The following SCN3A variants were observed in gnomAD, a reference collection of about 807,000 sequenced individuals.
The protein encoded by SCN3A is sodium channel protein type 3 subunit alpha.
SCN3A carries 60 observed loss-of-function variants against 187.6 expected under a neutral mutation model. That is an observed-to-expected ratio of 0.32 (90% CI 0.26 to 0.40). The LOEUF is 0.40. SCN3A is among the 10% of genes least tolerant of loss of function. SCN3A has a pLI of 1.00. For synonymous variants in SCN3A, 788 were observed against 829.2 expected, an observed-to-expected ratio of 0.95 and a Z score of 0.85; for missense variants, 1,601 against 2,428.2, an observed-to-expected ratio of 0.66 and a Z score of 7.16.
rs569125658 is a variant in SCN3A, at chr2:165,199,316, C to T, written c.-248+4507G>A. 1.1e-3 allele frequency among the ~76,000 whole-genome samples: 170 copies of T among 151,892 alleles called. 1 individual carries two copies. Among genetic ancestry groups the T allele is most frequent in the Non-Finnish European group, 2.0e-3 (134 of 67,880 alleles). ...ATGAAGGGCTCCCTATATGCAGTCT[C>T]CAAAAAAATGAAAACCTAATTCAAT... On this transcript the variant is annotated intron_variant, in intron 1 of 27. Transcript: ENST00000283254.
intron 9 of SCN3A, among the ~76,000 whole-genome samples, chr2:165,161,808 C>A (rs1245235043): frequency 6.6e-6 from 1 of 152,200 alleles, no homozygotes; most frequent in Non-Finnish European, 1.5e-5. Flanking sequence ...GGCACACATG[C>A]ACCCTTGGCT....
intron 17 of SCN3A, 114 bp downstream of exon 17, chr2:165,129,826 A>T (rs1400843372): frequency 3.8e-6 from 5 of 1,318,556 alleles, no homozygotes; most frequent in Non-Finnish European, 4.4e-6. Flanking sequence ...TAATAGGGGG[A>T]TTTCAGTCTA....
intron 2 of SCN3A, among the ~76,000 whole-genome samples, chr2:165,183,279 C>A (rs931089227): frequency 8.5e-5 from 13 of 152,186 alleles, no homozygotes; most frequent in Admixed American, 3.3e-4. Context: ...TAAGTAATCT[C>A]CTCTAAAATG....
chr2:165,200,881 A>G (rs1692275127), intron 1 of SCN3A, among the ~76,000 whole-genome samples: 2 of 152,090 alleles, frequency 1.3e-5, no homozygotes. Flanking sequence ...TCCATCAACC[A>G]TTCATCAAGC....
intron 9 of SCN3A, among the ~76,000 whole-genome samples, 162 bp from the exon 10 acceptor site, chr2:165,156,065 CA>C (rs1159253222): frequency 3.3e-5 from 5 of 152,048 alleles, no homozygotes; most frequent in Non-Finnish European, 7.4e-5. Context: ...TGAAACTTAT[CA>C]GATGAAATTC....
chr2:165,119,928 T>A (rs1294269613), intron 18 of SCN3A, among the ~76,000 whole-genome samples: 1 of 152,192 alleles, frequency 6.6e-6, no homozygotes, highest in East Asian at 1.9e-4. Context: ...AAAGCTTCCA[T>A]ATAAAACCAC....
At chr2:165,103,865 T>C (rs1361135066) in intron 21 of SCN3A, among the ~76,000 whole-genome samples, 1 of 152,180 alleles carries the variant, frequency 6.6e-6, no homozygotes, top group Non-Finnish European at 1.5e-5. Flanking sequence ...CTTGTATAAT[T>C]TTTGATGATG....
chr2:165,150,506 T>C (rs115535532), intron 11 of SCN3A, among the ~76,000 whole-genome samples: 187 of 152,340 alleles, frequency 1.2e-3, no homozygotes, highest in African/African-American at 4.3e-3. Context: ...ATCAGTATTA[T>C]ACTTTACCTT....
intron 24 of SCN3A, among the ~76,000 whole-genome samples, 189 bp downstream of exon 24, chr2:165,096,278 T>C (rs1685360354): frequency 6.6e-6 from 1 of 152,164 alleles, no homozygotes; most frequent in South Asian, 2.1e-4. Flanking sequence ...TATCGTTTCA[T>C]ATTAGCTACA....
intron 11 of SCN3A, 71 bp from the exon 12 acceptor site, chr2:165,147,100 T>C: frequency 6.4e-7 from 1 of 1,574,098 alleles, no homozygotes; most frequent in Non-Finnish European, 8.7e-7. Context: ...GGTTAAAATA[T>C]TGCCATTTAA....
intron 27 of SCN3A, chr2:165,091,950 T>C (rs1685128289): frequency 2.3e-6 from 1 of 434,810 alleles, no homozygotes. Context: ...CAATGATTTG[T>C]TTTTTAAGCC....
intron 17 of SCN3A, 35 bp from the exon 18 acceptor site, chr2:165,128,136 T>C (rs535512928): frequency 9.4e-6 from 14 of 1,491,540 alleles, no homozygotes; most frequent in Admixed American, 5.7e-5. Context: ...TATTTTAATA[T>C]TGAAATATGC....
intron 15 of SCN3A, among the ~76,000 whole-genome samples, chr2:165,134,566 C>T (rs1412859124): frequency 6.6e-6 from 1 of 152,052 alleles, no homozygotes; most frequent in African/African-American, 2.4e-5. Flanking sequence ...TCCATTCACT[C>T]AAATAGAAAT....
intron 10 of SCN3A, 105 bp downstream of exon 10, chr2:165,155,657 C>T: frequency 7.5e-7 from 1 of 1,335,474 alleles, no homozygotes; most frequent in South Asian, 1.2e-5. Flanking sequence ...CCTCTGCCTC[C>T]CAAAGTGCTA....
At chr2:165,117,014 C>A (rs1412781778) in intron 18 of SCN3A, among the ~76,000 whole-genome samples, 2 of 138,368 alleles carry the variant, frequency 1.4e-5, no homozygotes, top group East Asian at 4.5e-4. Context: ...GCCAAGACAT[C>A]TTCTCCTCTC....
intron 27 of SCN3A, 81 bp from the exon 28 acceptor site, chr2:165,091,426 C>T: frequency 5.2e-6 from 8 of 1,525,556 alleles, no homozygotes; most frequent in Non-Finnish European, 7.3e-6. Context: ...GGTCTATGAA[C>T]ACAACAAACT....
chr2:165,159,420 G>A (rs1183382193), intron 9 of SCN3A, among the ~76,000 whole-genome samples: 4 of 137,576 alleles, frequency 2.9e-5, no homozygotes, highest in Admixed American at 7.6e-5. Flanking sequence ...GCAGTGGTCT[G>A]ATCATGGCTC....
chr2:165,099,102 CCCTG>C lies in SCN3A; in HGVS notation c.3966+1196_3966+1199del, dbSNP rs537060900. Among the ~76,000 whole-genome samples the C allele has an allele frequency of 7.5e-3, 1,140 of 152,218 alleles. 19 individuals are homozygous for C. Among genetic ancestry groups the C allele is most frequent in the African/African-American group, 0.026 (1,090 of 41,518 alleles). Reference sequence around the variant, plus strand: ...AGAGTCTGGAGAGTGGCTTAATTCTCCCTGATGGGTGAACTTTAAAGTCAAGGTT... The same window carrying C: ...AGAGTCTGGAGAGTGGCTTAATTCTCATGGGTGAACTTTAAAGTCAAGGTT... On this transcript the variant is annotated intron_variant, in intron 22 of 27. Transcript: ENST00000283254.
chr2:165,125,357 G>T (rs1686923960), intron 18 of SCN3A, among the ~76,000 whole-genome samples: 2 of 151,574 alleles, frequency 1.3e-5, no homozygotes, highest in Admixed American at 1.3e-4. Context: ...AGGCTGGAGT[G>T]CAGTGGCGCA....
Sources: gnomAD v4.1 joint callset for allele counts (sites outside exome capture counted in the v4.1 genomes callset) on GRCh38, gnomAD v4.1.1 for gene constraint, MANE v1.5 for transcripts, NCBI Gene and HGNC (gene_info 2026-07-23, HGNC 2026-07-21) for gene names.